Variants in BRD3 observed in about 807,000 individuals in gnomAD.
The protein encoded by BRD3 is bromodomain containing 3.
Under a neutral mutation model 66.8 loss-of-function variants are expected in BRD3, and 17 were observed. The ratio of observed to expected loss-of-function variants is 0.25; its 90% CI spans 0.17 to 0.38. The LOEUF (loss-of-function observed/expected upper bound fraction) is 0.38, where lower values mean the gene tolerates loss of function less well. Ranked by LOEUF, BRD3 falls within the 10% of genes least tolerant of loss-of-function variation. The pLI, the probability that BRD3 is intolerant of heterozygous loss-of-function variation, is 1.00. For missense variants in BRD3, 713 were observed against 956.1 expected (o/e 0.75, Z 3.35); for synonymous variants, 421 against 393.2 (o/e 1.07, Z -0.84).
intron 10 of BRD3, 145 bp downstream of exon 10, chr9:134,035,887 G>C (rs568640664): frequency 1.7e-6 from 2 of 1,152,394 alleles, no homozygotes; most frequent in Non-Finnish European, 2.4e-6. Context: ...TATCCTCAGG[G>C]CATCTGTGGT....
Position 134,041,859 on chromosome 9 carries a change from G to A in BRD3, c.1308C>T (p.Gly436=), listed in dbSNP as rs757047564. Residue 436 remains glycine (G), a synonymous_variant, in exon 8 of 12, where the codon GGC becomes GGT. Transcript: ENST00000303407. The stretch of plus-strand genomic sequence containing the variant: ...CCTCACTGCTACGGCTGCTCTCAGC[G>A]CCCTTGCTCACCATGGGGGCCGCGG... ...PAPAAPMVSK[G]AESSRSSEES... is the part of the protein sequence containing the mutation. 1.2e-5 allele frequency: 20 copies of A among 1,612,718 alleles called. No individual in the cohort carries two copies. The highest frequency in any genetic ancestry group is 1.7e-5 in the Admixed American group (1 of 59,920).
chr9:134,050,674 C>A, intron 4 of BRD3, 86 bp from the exon 5 acceptor site: 1 of 1,123,876 alleles, frequency 8.9e-7, no homozygotes. Flanking sequence ...AGCCAGAACA[C>A]GGGTACCAGC....
Position 134,045,833 on chromosome 9 carries a change from CCAA to C in BRD3, c.1087-415_1087-413del, listed in dbSNP as rs1393494377. Among the ~76,000 whole-genome samples the C allele has an allele frequency of 1.3e-5, 2 of 152,152 alleles. No homozygotes were observed. The highest frequency in any genetic ancestry group is 2.4e-5 in the African/African-American group (1 of 41,432). ...GAGGCTGCAGCAAAGTCAGACTCCA[CCAA>C]CAACAGGGGGCCTGCTCAGTCTACA... On this transcript the variant is annotated intron_variant, in intron 6 of 11. Coordinates refer to ENST00000303407, the MANE Select transcript of BRD3 (RefSeq NM_007371.4). This position sits in a 1 kb window ranked among gnomAD's most constrained non-coding sequence, Gnocchi z 4.8.
In BRD3 at chr9:134,032,327, TA is replaced by T; in HGVS notation, c.*1262del. 1.4e-5 allele frequency: 3 copies of T among 217,902 alleles called. No individual in the cohort carries two copies. Among genetic ancestry groups the T allele is most frequent in the South Asian group, 1.9e-4 (1 of 5,364 alleles). The allele number at this position is 217,902 out of a possible 1,614,324, so 13.5% of individuals were successfully genotyped here. On this transcript the variant is annotated 3_prime_UTR_variant, in exon 12 of 12. Coordinates refer to ENST00000303407, the MANE Select transcript of BRD3 (RefSeq NM_007371.4). ...TGGGGTTCCCTAAATTGATTTCTTTTAAAACAGTCTTAAAGAGACCAGAAGT... is the reference window on the plus strand; with the variant it reads ...TGGGGTTCCCTAAATTGATTTCTTTTAAACAGTCTTAAAGAGACCAGAAGT...
intron 1 of BRD3, chr9:134,053,824 G>A: frequency 3.3e-6 from 1 of 301,290 alleles, no homozygotes; most frequent in East Asian, 5.6e-5. Context: ...GGGAGGGAAG[G>A]CCTGGGCGGT....
At chr9:134,042,101 G>C in intron 7 of BRD3, 150 bp from the exon 8 acceptor site, 2 of 923,360 alleles carry the variant, frequency 2.2e-6, no homozygotes, top group Non-Finnish European at 3.1e-6. Flanking sequence ...CCGCCTGCCT[G>C]GGGGGCTGTG....
Position 134,053,221 on chromosome 9 carries a change from G to A in BRD3, c.213+44C>T, listed in dbSNP as rs200551982. 404 of 1,600,396 alleles carry A rather than the reference G, an allele frequency of 2.5e-4. 7 individuals are homozygous for A. The South Asian group carries it at 3.8e-3, about 15-fold the overall frequency. On this transcript the variant is annotated intron_variant, in intron 2 of 11. Coordinates refer to ENST00000303407, the MANE Select transcript of BRD3 (RefSeq NM_007371.4). ...GGGCAGCAGGAGGGGGACAGAGGAC[G>A]GCAGCAGCAGAACGTGGCTCTTGGG...
At chr9:134,049,500 C>T (rs1263210042) in intron 5 of BRD3, among the ~76,000 whole-genome samples, 1 of 152,316 alleles carries the variant, frequency 6.6e-6, no homozygotes, top group Non-Finnish European at 1.5e-5. Flanking sequence ...TGCTGCCAAG[C>T]GCCAGGCGCG....
chr9:134,044,125 C>T (rs772444264), intron 7 of BRD3, among the ~76,000 whole-genome samples: 12 of 152,214 alleles, frequency 7.9e-5, no homozygotes, highest in Admixed American at 2.0e-4. Context: ...CTTTTGGGTT[C>T]AAGACACAGT....
At chr9:134,035,637 GC>G (rs1354091001) in intron 10 of BRD3, among the ~76,000 whole-genome samples, 1 of 152,238 alleles carries the variant, frequency 6.6e-6, no homozygotes, top group Non-Finnish European at 1.5e-5. Context: ...GTCACCTGCA[GC>G]CAAGGCCCCA....
chr9:134,037,737 TTA>T (rs1404888637), intron 9 of BRD3, among the ~76,000 whole-genome samples: 3 of 152,250 alleles, frequency 2.0e-5, no homozygotes, highest in Admixed American at 6.5e-5. Context: ...TGAAATCTAA[TTA>T]TGTTTCTTTG....
rs764917808 is a variant in BRD3 at position 134,045,332 on chromosome 9, G to C, written c.1176C>G (p.Pro392=). ...CCATGGCCACAACCTCGTGGTCTGGGGGATTGTATTTGTAGCAATTCGAGA... is the reference window on the plus strand; with the variant it reads ...CCATGGCCACAACCTCGTGGTCTGGCGGATTGTATTTGTAGCAATTCGAGA... ...LMFSNCYKYN[P]PDHEVVAMAR... Residue 392 remains proline, a synonymous_variant, in exon 7 of 12, where the codon CCC becomes CCG. Transcript: ENST00000303407. This position sits in a 1 kb window ranked among gnomAD's most constrained non-coding sequence, Gnocchi z 4.8. The C allele has an allele frequency of 4.7e-5, 76 of 1,613,522 alleles. No homozygotes were observed. Among genetic ancestry groups the C allele is most frequent in the Admixed American group, 2.0e-4 (12 of 60,004 alleles).
At position 134,053,548 on chromosome 9, in the gene BRD3, G is replaced by A; in HGVS notation, c.-71C>T. On this transcript the variant is annotated 5_prime_UTR_variant, in exon 2 of 12. Transcript: ENST00000303407. The stretch of plus-strand genomic sequence containing the variant: ...GGCCCTGGCTGCTTCTACGCTCCCT[G>A]AGAAAGCGCGACGTCCCATTTCCGG... The A allele has an allele frequency of 6.8e-7, 1 of 1,461,234 alleles. No individual in the cohort carries two copies. 90.5% of individuals were successfully genotyped at this position (1,461,234 alleles called of 1,614,324 possible).
Position 134,050,473 on chromosome 9 carries a change from A to C in BRD3, c.615T>G (p.Thr205=). The C allele has an allele frequency of 6.2e-7, 1 of 1,612,086 alleles. No homozygotes were observed. Among genetic ancestry groups the C allele is most frequent in the East Asian group, 2.2e-5 (1 of 44,860 alleles). The change falls in exon 5 of 12, where the codon ACT becomes ACG. Residue 205 remains threonine (T), a synonymous_variant. Coordinates refer to ENST00000303407, the MANE Select transcript of BRD3 (RefSeq NM_007371.4). ...VIAATPVPTI[T]ANVTSVPVPP... is the part of the protein sequence containing the mutation. ...GGACTGGGACCGACGTGACGTTTGC[A>C]GTGATGGTTGGTACAGGGGTGGCAG... is the stretch of plus-strand genomic sequence containing the variant.
At chr9:134,054,854 C>T (rs369397614) in intron 1 of BRD3, among the ~76,000 whole-genome samples, 15 of 152,054 alleles carry the variant, frequency 9.9e-5, no homozygotes, top group African/African-American at 3.6e-4. Context: ...CGTCAGCACC[C>T]TGCGTGTAAC....
intron 7 of BRD3, 88 bp from the exon 8 acceptor site, chr9:134,042,039 T>A: frequency 1.5e-6 from 2 of 1,372,396 alleles, no homozygotes; most frequent in East Asian, 2.7e-5. Flanking sequence ...GAGGTGCCCC[T>A]GAGGCAGCAC....
At chr9:134,053,979 T>G (rs1026582802) in intron 1 of BRD3, 1 of 172,598 alleles carries the variant, frequency 5.8e-6, no homozygotes, top group African/African-American at 2.4e-5. Flanking sequence ...GCTACTGGGC[T>G]CTGACAGCTT....
chr9:134,031,368 G>GT lies in BRD3; in HGVS notation c.*2221dup, dbSNP rs1843510191. 4.8e-6 allele frequency: 1 copy of GT among 207,852 alleles called. No homozygotes were observed. The highest frequency in any genetic ancestry group is 2.3e-5 in the African/African-American group (1 of 43,820). 12.9% of individuals were successfully genotyped at this position (207,852 alleles called of 1,614,324 possible). A position where few individuals can be genotyped will look rare whatever the true frequency, so the allele number is the denominator to read the frequency against. ...CAGGCACCCCCGGCTTAGGGTGTAC[G>GT]TATCACCCAGCCCTGTGCTGGCAGC... On this transcript the variant is annotated 3_prime_UTR_variant, in exon 12 of 12. Transcript: ENST00000303407.
At chr9:134,044,725 A>ATC (rs1032486791) in intron 7 of BRD3, among the ~76,000 whole-genome samples, 1 of 152,160 alleles carries the variant, frequency 6.6e-6, no homozygotes, top group Admixed American at 6.6e-5. Flanking sequence ...ACACACAAAT[A>ATC]TCTCTGTGAG....
Sources: gnomAD v4.1 joint callset for allele counts (sites outside exome capture counted in the v4.1 genomes callset) on GRCh38, gnomAD v4.1.1 for gene constraint, Gnocchi (gnomAD v3.1) non-coding constraint, MANE v1.5 for transcripts, NCBI Gene and HGNC (gene_info 2026-07-23, HGNC 2026-07-21) for gene names.